The following DNMT1 variants were observed in gnomAD, a reference collection of about 807,000 sequenced individuals.
DNMT1 encodes DNA (cytosine-5)-methyltransferase 1.
Under a neutral mutation model 205.3 loss-of-function variants are expected in DNMT1, and 24 were observed. That is an observed-to-expected ratio of 0.12 (90% CI 0.08 to 0.16). The LOEUF (loss-of-function observed/expected upper bound fraction) is 0.16. Among genes scored for constraint, DNMT1 ranks in the 10% least tolerant of loss-of-function variants. DNMT1 has a pLI of 1.00. For synonymous variants in DNMT1, 817 were observed against 839.8 expected (o/e 0.97, Z 0.47); for missense variants, 1,293 against 2,177.7 (o/e 0.59, Z 8.09).
At position 10,137,059 on chromosome 19, in the gene DNMT1, C is replaced by T. The variant is rs779878371; in HGVS notation, c.4489+26G>A. On this transcript the variant is annotated intron_variant, in intron 37 of 40. Transcript: ENST00000359526. This position sits in a 1 kb window ranked among gnomAD's most constrained non-coding sequence, Gnocchi z 6.4. ...TCTGCCTTCCTTCCCCTCAGCCCAC[C>T]GGGAACCACAACTTACAGGACCCAC... 2.4e-5 allele frequency: 39 copies of T among 1,606,744 alleles called. No individual in the cohort carries two copies. In the Middle Eastern group the frequency reaches 4.9e-4, roughly 20 times the overall value.
intron 22 of DNMT1, among the ~76,000 whole-genome samples, chr19:10,152,915 C>T (rs1426519470): frequency 1.4e-5 from 2 of 139,152 alleles, no homozygotes; most frequent in Non-Finnish European, 1.5e-5. Context: ...GGCAAGGCAA[C>T]ACAGCAGGAC....
chr19:10,169,137 G>C (rs981267444), intron 9 of DNMT1, among the ~76,000 whole-genome samples: 6 of 152,108 alleles, frequency 3.9e-5, no homozygotes, highest in African/African-American at 1.4e-4. Context: ...GCCTGAGGCT[G>C]CATTTAAAGA....
intron 1 of DNMT1, among the ~76,000 whole-genome samples, chr19:10,182,375 ATATATATACATATATATGTG>A (rs2039067581): frequency 2.6e-4 from 37 of 144,252 alleles, no homozygotes; most frequent in African/African-American, 9.2e-4. Context: ...GTGTGTGTGT[ATATATATACATATATATGTG>A]TATATATATA....
At chr19:10,134,926 T>C (rs902067336) in intron 39 of DNMT1, among the ~76,000 whole-genome samples, 3 of 144,218 alleles carry the variant, frequency 2.1e-5, no homozygotes, top group Non-Finnish European at 4.5e-5. Flanking sequence ...AGTGGCTGCT[T>C]CCCTGGCCGG....
In DNMT1 at chr19:10,186,890, G is replaced by A. The variant is rs1417222260; in HGVS notation, c.81-4813C>T. On this transcript the variant is annotated intron_variant, in intron 1 of 40. Coordinates refer to ENST00000359526, the MANE Select transcript of DNMT1 (RefSeq NM_001130823.3). The stretch of plus-strand genomic sequence containing the variant: ...ATATAAACAACCACAGAGGAATAAG[G>A]CAAATACAGCTCACGCCTGCGGGAT... Among the ~76,000 whole-genome samples, 10 of 148,516 alleles carry A rather than the reference G, an allele frequency of 6.7e-5. No homozygotes were observed. The Admixed American group carries it at 6.8e-4, about 10-fold the overall frequency.
chr19:10,133,693 T>C lies in DNMT1; in HGVS notation c.4873A>G (p.Lys1625Glu). 1 of 1,594,300 alleles carries C rather than the reference T, an allele frequency of 6.3e-7. No homozygotes were observed. The highest frequency in any genetic ancestry group is 8.6e-7 in the Non-Finnish European group (1 of 1,169,370). Residue 1625 changes from lysine to glutamate, a missense_variant, in exon 41 of 41, where the codon AAG (lysine) becomes GAG (glutamate). By Grantham distance (56) the Lys-to-Glu change is moderately conservative. This residue lies in a region of DNMT1 where 37 missense variants were observed against 36.3 expected (regional missense o/e 1.02). Coordinates refer to ENST00000359526, the MANE Select transcript of DNMT1 (RefSeq NM_001130823.3). The surrounding 1 kb of genome is among the most constrained non-coding windows in gnomAD (Gnocchi z 4.1). ...TAGTCCTTAGCAGCTTCCTCCTCCT[T>C]TATTTTAGCTGAAGGGAAATAAAAG... ...KARESASAKI[K>E]EEEAAKD
intron 10 of DNMT1, among the ~76,000 whole-genome samples, chr19:10,167,531 C>CT (rs1268904878): frequency 6.6e-6 from 1 of 152,164 alleles, no homozygotes; most frequent in African/African-American, 2.4e-5. Flanking sequence ...AAAAGTGCTA[C>CT]TTTTCATTTC....
intron 9 of DNMT1, among the ~76,000 whole-genome samples, chr19:10,171,981 T>C (rs1435803339): frequency 2.0e-5 from 3 of 151,120 alleles, no homozygotes; most frequent in African/African-American, 7.3e-5. Context: ...CACTCCAGCC[T>C]GGGTGATAGA....
intron 34 of DNMT1, among the ~76,000 whole-genome samples, chr19:10,139,064 C>T (rs1040097488): frequency 5.3e-5 from 8 of 152,222 alleles, no homozygotes; most frequent in Admixed American, 5.2e-4. Context: ...GGCAGACATC[C>T]TGTGCTAGCA....
chr19:10,144,353 A>G (rs1438396334), intron 28 of DNMT1: 2 of 339,556 alleles, frequency 5.9e-6, no homozygotes, highest in South Asian at 2.4e-5. Flanking sequence ...GGTTGCAGTG[A>G]GCTGAGATTG....
chr19:10,174,615 G>T (rs1203697375), intron 7 of DNMT1, among the ~76,000 whole-genome samples: 1 of 152,046 alleles, frequency 6.6e-6, no homozygotes, highest in Non-Finnish European at 1.5e-5. Context: ...GCTGAGGATG[G>T]AGAGTCACTT....
Position 10,133,529 on chromosome 19 carries a change from A to G in DNMT1, c.*138T>C. Reference sequence around the variant, plus strand: ...TCATTAGTTGATAAGCGAACCTCACACAACAGCTTCATGTCAGCCAAGGCC... The same window carrying G: ...TCATTAGTTGATAAGCGAACCTCACGCAACAGCTTCATGTCAGCCAAGGCC... On this transcript the variant is annotated 3_prime_UTR_variant, in exon 41 of 41. Transcript: ENST00000359526. This position sits in a 1 kb window ranked among gnomAD's most constrained non-coding sequence, Gnocchi z 4.1. The G allele has an allele frequency of 1.0e-6, 1 of 967,870 alleles. No homozygotes were observed. Among genetic ancestry groups the G allele is most frequent in the Non-Finnish European group, 1.6e-6 (1 of 624,854 alleles). 60.0% of individuals were successfully genotyped at this position (967,870 alleles called of 1,614,324 possible).
chr19:10,137,129 C>T lies in DNMT1; in HGVS notation c.4445G>A (p.Arg1482His), dbSNP rs770535972. 3.1e-6 allele frequency: 5 copies of T among 1,611,182 alleles called. No homozygotes were observed. The highest frequency in any genetic ancestry group is 3.4e-5 in the Admixed American group (2 of 59,664). The change falls in exon 37 of 41, where the codon CGC (arginine) becomes CAC (histidine). Residue 1482 changes from arginine to histidine, a missense_variant. By Grantham distance (29) the Arg-to-His change is conservative. Coordinates refer to ENST00000359526, the MANE Select transcript of DNMT1 (RefSeq NM_001130823.3). The surrounding 1 kb of genome is among the most constrained non-coding windows in gnomAD (Gnocchi z 6.4). Reference sequence around the variant, plus strand: ...CCCACGGAGGGCCCCAGAGCTGCTGCGGCCGTTCTTCCTGTCATGGTGGGT... The same window carrying T: ...CCCACGGAGGGCCCCAGAGCTGCTGTGGCCGTTCTTCCTGTCATGGTGGGT... ...RYTHHDRKNG[R>H]SSSGALRGVC...
At chr19:10,134,768 G>C (rs1412953717) in intron 39 of DNMT1, among the ~76,000 whole-genome samples, 3 of 151,492 alleles carry the variant, frequency 2.0e-5, no homozygotes, top group Admixed American at 6.6e-5. Flanking sequence ...TGAGGCAGGA[G>C]AATCACTTGA....
chr19:10,137,759 G>A lies in DNMT1; in HGVS notation c.4293+73C>T. ...GATTCCATGTCTCCCCTGAGTCTTG[G>A]GCAGGCTGACTGTTCCCACGAGGCT... On this transcript the variant is annotated intron_variant, in intron 36 of 40. Coordinates refer to ENST00000359526, the MANE Select transcript of DNMT1 (RefSeq NM_001130823.3). This position sits in a 1 kb window ranked among gnomAD's most constrained non-coding sequence, Gnocchi z 6.4. 1.3e-6 allele frequency: 2 copies of A among 1,564,108 alleles called. No individual in the cohort carries two copies. Among genetic ancestry groups the A allele is most frequent in the Admixed American group, 1.9e-5 (1 of 53,548 alleles).
At chr19:10,158,156 T>TC (rs2038495102) in intron 17 of DNMT1, among the ~76,000 whole-genome samples, 2 of 152,056 alleles carry the variant, frequency 1.3e-5, no homozygotes. Flanking sequence ...AGCCCCAGGC[T>TC]CCCCCAAGCC....
intron 37 of DNMT1, 144 bp downstream of exon 37, chr19:10,136,941 A>G (rs2089495134): frequency 8.6e-7 from 1 of 1,158,222 alleles, no homozygotes; most frequent in Non-Finnish European, 1.2e-6. Flanking sequence ...TTACTACTCA[A>G]CATGGTCAGC....
intron 29 of DNMT1, 69 bp from the exon 30 acceptor site, chr19:10,142,289 A>G (rs2089615840): frequency 1.9e-6 from 3 of 1,607,286 alleles, no homozygotes; most frequent in Admixed American, 3.3e-5. Flanking sequence ...AAACAGTACC[A>G]TGTTCCTGGG....
In DNMT1 at chr19:10,191,120, G is replaced by GA. The variant is rs1334725054; in HGVS notation, c.80+3699dup. On this transcript the variant is annotated intron_variant, in intron 1 of 40. Coordinates refer to ENST00000359526, the MANE Select transcript of DNMT1 (RefSeq NM_001130823.3). ...CAGAGCAAGGCTCAGCCTCGAGGGG[G>GA]AAAAAGAAAAATTAGCTGGGCGTGG... 4.7e-5 allele frequency among the ~76,000 whole-genome samples: 7 copies of GA among 148,724 alleles called. No homozygotes were observed. The South Asian group carries it at 8.6e-4, about 18-fold the overall frequency.
Sources: allele counts gnomAD v4.1 joint callset (sites outside exome capture counted in the v4.1 genomes callset), GRCh38; gene constraint gnomAD v4.1.1; regional missense constraint gnomAD v4.1.1; non-coding constraint Gnocchi (gnomAD v3.1); transcripts MANE v1.5; gene names NCBI Gene and HGNC (gene_info 2026-07-23, HGNC 2026-07-21).